Variants in CDH18 observed in about 807,000 individuals in gnomAD.
CDH18 encodes cadherin 18.
Under a neutral mutation model 67.9 loss-of-function variants are expected in CDH18, and 31 were observed. The observed-to-expected ratio is 0.46, with a 90% confidence interval of 0.34 to 0.62. CDH18 has a LOEUF of 0.62. CDH18 is among the 20% of genes least tolerant of loss of function. The pLI, the probability that CDH18 is intolerant of heterozygous loss-of-function variation, is 0.01. For missense variants in CDH18, 890 were observed against 975.5 expected, an observed-to-expected ratio of 0.91 and a Z score of 1.17; for synonymous variants, 362 against 347.2, an observed-to-expected ratio of 1.04 and a Z score of -0.48.
At chr5:19,933,434 T>C (rs1793919650) in intron 2 of CDH18, among the ~76,000 whole-genome samples, 1 of 151,590 alleles carries the variant, frequency 6.6e-6, no homozygotes, top group Admixed American at 6.6e-5. Flanking sequence ...TCCTTTTCTT[T>C]ACATATTTTT....
chr5:19,759,430 C>A lies in CDH18; in HGVS notation c.229-12194G>T, dbSNP rs137992969. 5.4e-3 allele frequency among the ~76,000 whole-genome samples: 828 copies of A among 152,306 alleles called. 2 individuals carry two copies. The highest frequency in any genetic ancestry group is 0.012 in the South Asian group (57 of 4,824). ...CCTTTCCCACCATAATACCCCTCAA[C>A]CTACCAGTCAGGGAGGTAATGTGGG... is the stretch of plus-strand genomic sequence containing the variant. On this transcript the variant is annotated intron_variant, in intron 3 of 12. Transcript: ENST00000382275.
chr5:19,634,271 C>A (rs1752797195), intron 5 of CDH18, among the ~76,000 whole-genome samples: 1 of 152,130 alleles, frequency 6.6e-6, no homozygotes, highest in Non-Finnish European at 1.5e-5. Context: ...ATGATGCTTT[C>A]TTTTCTTTTT....
intron 8 of CDH18, among the ~76,000 whole-genome samples, chr5:19,552,182 T>C (rs1737573506): frequency 6.6e-6 from 1 of 152,184 alleles, no homozygotes; most frequent in Admixed American, 6.5e-5. Context: ...TTTCTAATAC[T>C]ATGCTTAAAA....
chr5:19,706,528 A>G (rs1763986167), intron 5 of CDH18, among the ~76,000 whole-genome samples: 1 of 152,090 alleles, frequency 6.6e-6, no homozygotes. Context: ...GACATCACAC[A>G]TGTTCCCTGA....
chr5:20,125,622 AC>A (rs1242314762), intron 2 of CDH18, among the ~76,000 whole-genome samples: 2 of 152,170 alleles, frequency 1.3e-5, no homozygotes, highest in Admixed American at 6.6e-5. Context: ...TATTTACAGA[AC>A]ATTTCCATTG....
intron 1 of CDH18, among the ~76,000 whole-genome samples, chr5:20,429,836 A>G (rs1466131066): frequency 6.6e-6 from 1 of 152,202 alleles, no homozygotes; most frequent in Non-Finnish European, 1.5e-5. Flanking sequence ...TCTAATTCCA[A>G]ACAAAGGCTA....
intron 5 of CDH18, among the ~76,000 whole-genome samples, chr5:19,624,532 T>C (rs1678503364): frequency 6.6e-6 from 1 of 152,192 alleles, no homozygotes; most frequent in African/African-American, 2.4e-5. Flanking sequence ...TTTTTTCCTT[T>C]AGCATATAGT....
chr5:19,688,623 A>G (rs1761443479), intron 5 of CDH18, among the ~76,000 whole-genome samples: 1 of 152,196 alleles, frequency 6.6e-6, no homozygotes, highest in South Asian at 2.1e-4. Flanking sequence ...AGAACTCAAG[A>G]AAAATAAAAA....
intron 2 of CDH18, among the ~76,000 whole-genome samples, chr5:20,137,930 T>C (rs1400237965): frequency 6.6e-6 from 1 of 151,972 alleles, no homozygotes; most frequent in Non-Finnish European, 1.5e-5. Context: ...CTCCAATCAA[T>C]AGAAAAAGAG....
intron 10 of CDH18, among the ~76,000 whole-genome samples, chr5:19,514,155 G>A (rs545187676): frequency 2.6e-5 from 4 of 152,216 alleles, no homozygotes; most frequent in South Asian, 2.1e-4. Flanking sequence ...CTTTATCCAC[G>A]TCCCTACAAA....
intron 2 of CDH18, among the ~76,000 whole-genome samples, chr5:20,216,012 A>AT (rs1486546086): frequency 6.6e-6 from 1 of 152,028 alleles, no homozygotes; most frequent in Non-Finnish European, 1.5e-5. Context: ...ATAAAGAAAG[A>AT]TAACTAATGG....
At chr5:20,042,715 G>A (rs755202297) in intron 2 of CDH18, among the ~76,000 whole-genome samples, 1 of 152,102 alleles carries the variant, frequency 6.6e-6, no homozygotes, top group Non-Finnish European at 1.5e-5. Flanking sequence ...TGTAATCCCA[G>A]CATTTTGGGA....
intron 1 of CDH18, among the ~76,000 whole-genome samples, chr5:20,368,528 G>A (rs146539453): frequency 1.6e-3 from 239 of 152,232 alleles, no homozygotes; most frequent in African/African-American, 5.0e-3. Context: ...ACAGAGAAAT[G>A]TTTCATATCT....
At chr5:19,822,239 A>G (rs1356786459) in intron 3 of CDH18, among the ~76,000 whole-genome samples, 3 of 152,204 alleles carry the variant, frequency 2.0e-5, no homozygotes, top group Non-Finnish European at 2.9e-5. Context: ...CTCACATGTA[A>G]TGACACCCAT....
intron 2 of CDH18, among the ~76,000 whole-genome samples, chr5:20,052,094 T>TC: frequency 6.6e-6 from 1 of 152,110 alleles, no homozygotes; most frequent in Non-Finnish European, 1.5e-5. Context: ...AGGAAACTTG[T>TC]CCATGGGCCA....
chr5:20,442,450 C>A (rs1401752230), intron 1 of CDH18, among the ~76,000 whole-genome samples: 1 of 151,868 alleles, frequency 6.6e-6, no homozygotes, highest in Non-Finnish European at 1.5e-5. Flanking sequence ...ACATCTGCAT[C>A]TCAAACATGG....
intron 8 of CDH18, among the ~76,000 whole-genome samples, chr5:19,552,467 C>T (rs1374337513): frequency 6.6e-6 from 1 of 152,064 alleles, no homozygotes; most frequent in Non-Finnish European, 1.5e-5. Context: ...TACTAATCTA[C>T]AAGCATATGT....
In CDH18 at chr5:20,013,498, G is replaced by A. The variant is rs368871493; in HGVS notation, c.-517-21484C>T. ...TGTCTTTGAACTTTTTTTTGTCTAG[G>A]ACATTAAGAAACAGAAAGATTATTT... is the stretch of plus-strand genomic sequence containing the variant. On this transcript the variant is annotated intron_variant, in intron 2 of 14. Transcript: ENST00000507958. 6.3e-4 allele frequency among the ~76,000 whole-genome samples: 96 copies of A among 152,022 alleles called. No individual in the cohort carries two copies. The South Asian group carries it at 0.017, about 26-fold the overall frequency.
chr5:20,535,696 C>G (rs995015485), intron 1 of CDH18, among the ~76,000 whole-genome samples: 13 of 152,076 alleles, frequency 8.5e-5, no homozygotes, highest in Non-Finnish European at 1.5e-5. Context: ...GTTTTCAGCT[C>G]TCAAAAGTGT....
Sources: gnomAD v4.1 joint callset for allele counts (sites outside exome capture counted in the v4.1 genomes callset) on GRCh38, gnomAD v4.1.1 for gene constraint, MANE v1.5 for transcripts, NCBI Gene and HGNC (gene_info 2026-07-23, HGNC 2026-07-21) for gene names.